Variants in FBXO4 observed in about 807,000 individuals in gnomAD.
FBXO4 encodes the protein F-box only protein 4.
A neutral mutation model predicts 43.7 loss-of-function variants in FBXO4; 36 were observed. The observed-to-expected ratio is 0.82, with a 90% CI of 0.63 to 1.09. The LOEUF (loss-of-function observed/expected upper bound fraction) is 1.09. Among genes scored for constraint, FBXO4 ranks in the 50% least tolerant of loss-of-function variants. The probability of loss-of-function intolerance (pLI) is 0.00; values close to 1 mark genes in which losing one functional copy is unlikely to be tolerated. For missense variants in FBXO4, 435 were observed against 474.1 expected (o/e 0.92, Z 0.77); for synonymous variants, 180 against 165.6 (o/e 1.09, Z -0.67).
chr5:41,986,244 T>C, the FBXO4 span, among the ~76,000 whole-genome samples: 1 of 152,050 alleles, frequency 6.6e-6, no homozygotes, highest in Non-Finnish European at 1.5e-5. Context: ...TTTTTTCTGG[T>C]CCTACTCTCT....
intron 2 of FBXO4, among the ~76,000 whole-genome samples, chr5:41,928,962 C>T (rs948263251): frequency 7.9e-5 from 12 of 152,178 alleles, no homozygotes; most frequent in Admixed American, 2.6e-4. Flanking sequence ...TTACATCATT[C>T]TTAGTTTGCT....
the FBXO4 span, chr5:41,967,437 A>G: frequency 1.7e-6 from 1 of 573,858 alleles, no homozygotes; most frequent in Non-Finnish European, 3.4e-6. Flanking sequence ...CCTGCAACAG[A>G]TATTACAATA....
chr5:42,023,801 T>C, the FBXO4 span, among the ~76,000 whole-genome samples: 10 of 151,946 alleles, frequency 6.6e-5, no homozygotes, highest in African/African-American at 2.4e-4. Flanking sequence ...TCTGATGTCC[T>C]GTTTTTCTTA....
the FBXO4 span, among the ~76,000 whole-genome samples, chr5:41,998,487 GC>G: frequency 1.3e-5 from 2 of 152,148 alleles, no homozygotes; most frequent in African/African-American, 4.8e-5. Flanking sequence ...GGCATTTCCA[GC>G]TAGCTCACAG....
At chr5:41,994,158 T>C in the FBXO4 span, among the ~76,000 whole-genome samples, 1 of 152,142 alleles carries the variant, frequency 6.6e-6, no homozygotes, top group African/African-American at 2.4e-5. Context: ...AATACAACTA[T>C]CCTTCGTACA....
At chr5:41,950,237 C>T in the FBXO4 span, among the ~76,000 whole-genome samples, 1 of 152,102 alleles carries the variant, frequency 6.6e-6, no homozygotes, top group African/African-American at 2.4e-5. Context: ...AACTAAAGAG[C>T]TTCTGCACAG....
At chr5:41,955,508 A>G in the FBXO4 span, among the ~76,000 whole-genome samples, 1 of 152,216 alleles carries the variant, frequency 6.6e-6, no homozygotes. Flanking sequence ...ACATGTGATG[A>G]GACCTATGAA....
At chr5:41,930,160 G>GT (rs1751639035) in intron 3 of FBXO4, 1 of 441,738 alleles carries the variant, frequency 2.3e-6, no homozygotes, top group South Asian at 4.2e-5. Context: ...TAAATTATTT[G>GT]TTGTCAAGAT....
the FBXO4 span, among the ~76,000 whole-genome samples, chr5:41,982,662 C>T: frequency 2.0e-5 from 3 of 152,202 alleles, no homozygotes; most frequent in East Asian, 5.8e-4. Flanking sequence ...AATTTGCCTA[C>T]TAATTCTCTT....
chr5:41,936,706 C>G (rs767420312), intron 5 of FBXO4, among the ~76,000 whole-genome samples: 4 of 151,438 alleles, frequency 2.6e-5, no homozygotes, highest in African/African-American at 9.7e-5. Flanking sequence ...GGCATATTAG[C>G]AAAGGAAAGA....
At chr5:41,942,563 A>C (rs532329889), downstream of FBXO4, among the ~76,000 whole-genome samples, 15 of 151,950 alleles carry the variant, frequency 9.9e-5, no homozygotes, top group Non-Finnish European at 2.1e-4. Flanking sequence ...CTTATAGCAC[A>C]CTCCAGTATT....
chr5:41,959,048 A>G, the FBXO4 span, among the ~76,000 whole-genome samples: 21 of 152,246 alleles, frequency 1.4e-4, no homozygotes, highest in African/African-American at 3.9e-4. Flanking sequence ...CTGCATCCTC[A>G]CCTACATTTG....
chr5:41,976,108 T>G, the FBXO4 span, among the ~76,000 whole-genome samples: 1 of 152,210 alleles, frequency 6.6e-6, no homozygotes, highest in Non-Finnish European at 1.5e-5. Flanking sequence ...GCTAAGCCAT[T>G]CATGAAGGAT....
At chr5:42,034,109 G>T in the FBXO4 span, among the ~76,000 whole-genome samples, 1 of 151,798 alleles carries the variant, frequency 6.6e-6, no homozygotes, top group Non-Finnish European at 1.5e-5. Context: ...TTTCTCTAAT[G>T]ATCAGTGATG....
chr5:42,020,190 A>C, the FBXO4 span, among the ~76,000 whole-genome samples: 2 of 152,202 alleles, frequency 1.3e-5, no homozygotes, highest in Non-Finnish European at 2.9e-5. Context: ...ATTTAAGGTC[A>C]AAAGGTAGCC....
At chr5:41,962,553 C>T in the FBXO4 span, among the ~76,000 whole-genome samples, 1 of 152,154 alleles carries the variant, frequency 6.6e-6, no homozygotes, top group Non-Finnish European at 1.5e-5. Context: ...GTGTAAAGCC[C>T]AGAGGGTTTA....
intron 5 of FBXO4, among the ~76,000 whole-genome samples, chr5:41,936,777 AAAGT>A (rs942416277): frequency 6.6e-6 from 1 of 152,214 alleles, no homozygotes; most frequent in Non-Finnish European, 1.5e-5. Flanking sequence ...AAGAGAAAAA[AAAGT>A]AAGAGCAAGG....
chr5:42,013,107 C>A, the FBXO4 span, among the ~76,000 whole-genome samples: 1 of 152,094 alleles, frequency 6.6e-6, no homozygotes, highest in South Asian at 2.1e-4. Flanking sequence ...GAGTTTTAGA[C>A]CAGGCTGGGC....
the FBXO4 span, among the ~76,000 whole-genome samples, chr5:42,003,500 C>A: frequency 6.6e-6 from 1 of 152,052 alleles, no homozygotes; most frequent in African/African-American, 2.4e-5. Flanking sequence ...TGTAATTTGG[C>A]TTTCTGTATT....
Sources: gnomAD v4.1 joint callset for allele counts (sites outside exome capture counted in the v4.1 genomes callset) on GRCh38, gnomAD v4.1.1 for gene constraint, MANE v1.5 for transcripts, NCBI Gene and HGNC (gene_info 2026-07-23, HGNC 2026-07-21) for gene names.